The following DMD variants were observed in gnomAD, a reference collection of about 807,000 sequenced individuals.
The protein encoded by DMD is dystrophin.
DMD carries 63 observed loss-of-function variants against 330.1 expected under a neutral mutation model. The ratio of observed to expected loss-of-function variants is 0.19; its 90% CI spans 0.16 to 0.24. The LOEUF is 0.24. Among genes scored for constraint, DMD ranks in the 10% least tolerant of loss-of-function variants. The pLI is 1.00. For synonymous variants in DMD, 1,223 were observed against 959.8 expected (o/e 1.27, Z -5.07); for missense variants, 3,344 against 2,684.1 (o/e 1.25, Z -5.43).
chrX:32,677,015 T>A (rs1327655092), intron 9 of DMD, among the ~76,000 whole-genome samples: 1 of 111,528 alleles, frequency 9.0e-6, no homozygotes, highest in Non-Finnish European at 1.9e-5. Context: ...TGTAAAAGAG[T>A]TTTACATTTT....
intron 44 of DMD, among the ~76,000 whole-genome samples, chrX:32,108,399 G>T (rs1200039503): frequency 8.9e-6 from 1 of 112,037 alleles, no homozygotes; most frequent in Non-Finnish European, 1.9e-5. Context: ...AAATTCTCAT[G>T]GATAGAATGC....
chrX:32,356,215 G>A (rs1320135168), intron 37 of DMD, among the ~76,000 whole-genome samples: 1 of 108,894 alleles, frequency 9.2e-6, no homozygotes, highest in Non-Finnish European at 1.9e-5. Context: ...TCCACACATA[G>A]AACCATATTT....
At chrX:32,822,367 G>C (rs1454460126) in intron 5 of DMD, among the ~76,000 whole-genome samples, 1 of 106,915 alleles carries the variant, frequency 9.4e-6, no homozygotes, top group Non-Finnish European at 1.9e-5. Flanking sequence ...AGTTCATGTT[G>C]GTATATATAT....
chrX:32,495,896 T>C lies in DMD; in HGVS notation c.2381-4378A>G, dbSNP rs140844437. ...ACAAATACTAACACACCAGGCATTATGAGCAATACTTATGGAAACCATTTT... is the reference window on the plus strand; with the variant it reads ...ACAAATACTAACACACCAGGCATTACGAGCAATACTTATGGAAACCATTTT... On this transcript the variant is annotated intron_variant, in intron 19 of 78. Coordinates refer to ENST00000357033, the MANE Select transcript of DMD (RefSeq NM_004006.3). Among the ~76,000 whole-genome samples, 262 of 111,846 alleles carry C rather than the reference T, an allele frequency of 2.3e-3. 3 individuals are homozygous for C. The South Asian group carries it at 0.06, about 26-fold the overall frequency.
chrX:32,365,896 T>C (rs1296752517), intron 34 of DMD, among the ~76,000 whole-genome samples: 1 of 111,960 alleles, frequency 8.9e-6, no homozygotes, highest in African/African-American at 3.2e-5. Flanking sequence ...TAAAAGTATC[T>C]GTCATTTCTA....
At chrX:32,978,989 C>G (rs2092630494) in intron 2 of DMD, among the ~76,000 whole-genome samples, 1 of 111,977 alleles carries the variant, frequency 8.9e-6, no homozygotes, top group Non-Finnish European at 1.9e-5. Context: ...AAAATTATTT[C>G]TCCTAGACAG....
Position 32,860,163 on chromosome X carries a change from T to C in DMD, c.94-10343A>G, listed in dbSNP as rs1482518130. On this transcript the variant is annotated intron_variant, in intron 2 of 78. Transcript: ENST00000357033. Reference sequence around the variant, plus strand: ...AAACACAGATAGGTAGGTTGACAAGTGGCATAAATAAAGTGAACCAAATCA... The same window carrying C: ...AAACACAGATAGGTAGGTTGACAAGCGGCATAAATAAAGTGAACCAAATCA... Among the ~76,000 whole-genome samples, 18 of 111,926 alleles carry C rather than the reference T, an allele frequency of 1.6e-4. No homozygotes were observed. In the Admixed American group the frequency reaches 1.7e-3, roughly 11 times the overall value.
intron 1 of DMD, among the ~76,000 whole-genome samples, chrX:33,194,549 C>G (rs1285547379): frequency 9.0e-6 from 1 of 111,551 alleles, no homozygotes; most frequent in Non-Finnish European, 1.9e-5. Context: ...CGCATCTTTT[C>G]TTTGGTTGAA....
At chrX:31,524,622 A>C (rs2073105970) in intron 55 of DMD, among the ~76,000 whole-genome samples, 1 of 111,768 alleles carries the variant, frequency 8.9e-6, no homozygotes, top group Non-Finnish European at 1.9e-5. Context: ...AAAGAAGATA[A>C]AACAAGCTCT....
chrX:32,172,018 T>C (rs1431637645), intron 44 of DMD, among the ~76,000 whole-genome samples: 1 of 111,829 alleles, frequency 8.9e-6, no homozygotes, highest in Admixed American at 9.5e-5. Flanking sequence ...TCATAGCTCA[T>C]ATAAAGAAAT....
intron 9 of DMD, among the ~76,000 whole-genome samples, chrX:32,672,392 C>A (rs1301937717): frequency 9.0e-6 from 1 of 111,225 alleles, no homozygotes; most frequent in Non-Finnish European, 1.9e-5. Flanking sequence ...ACTTGCAATT[C>A]ATGATATATT....
intron 2 of DMD, among the ~76,000 whole-genome samples, chrX:32,973,141 A>G (rs766724677): frequency 5.3e-5 from 6 of 112,258 alleles, no homozygotes; most frequent in Admixed American, 1.9e-4. Context: ...AATGTCAACT[A>G]TATGTGGCTT....
Position 31,383,794 on chromosome X carries a change from A to G in DMD, c.9085-35160T>C, listed in dbSNP as rs115916049. 6.8e-3 allele frequency among the ~76,000 whole-genome samples: 763 copies of G among 111,771 alleles called. 6 individuals carry two copies. The highest frequency in any genetic ancestry group is 0.03 in the East Asian group (107 of 3,511). On this transcript the variant is annotated intron_variant, in intron 60 of 78. Coordinates refer to ENST00000357033, the MANE Select transcript of DMD (RefSeq NM_004006.3). ...CAGCATAGCTTCAGAGAGGAGTCTG[A>G]TTGCGGACAGCTGGACTCGAGGTGA...
At position 32,360,753 on chromosome X, in the gene DMD, C is replaced by T. The variant is rs2097829375; in HGVS notation, c.5325+2035G>A. On this transcript the variant is annotated intron_variant, in intron 37 of 78. Coordinates refer to ENST00000357033, the MANE Select transcript of DMD (RefSeq NM_004006.3). Reference sequence around the variant, plus strand: ...AGTGAGCTGAGGTTATGCCACAGCACTCCAGCCTGGGCAACAGAGAGAGTC... The same window carrying T: ...AGTGAGCTGAGGTTATGCCACAGCATTCCAGCCTGGGCAACAGAGAGAGTC... 2.8e-5 allele frequency among the ~76,000 whole-genome samples: 3 copies of T among 108,000 alleles called. No homozygotes were observed. The South Asian group carries it at 1.2e-3, about 45-fold the overall frequency. 93.8% of individuals were successfully genotyped at this position (108,000 alleles called of 115,157 possible).
Position 32,855,471 on chromosome X carries a change from T to C in DMD, c.94-5651A>G, listed in dbSNP as rs187440081. Among the ~76,000 whole-genome samples the C allele has an allele frequency of 1.5e-3, 167 of 111,726 alleles. 1 individual carries two copies. The highest frequency in any genetic ancestry group is 4.9e-3 in the African/African-American group (151 of 30,780). ...TGCTAATGGCATAAAAACAGACACA[T>C]AGACCAATGGAACAGAATAGAGCCC... On this transcript the variant is annotated intron_variant, in intron 2 of 78. Coordinates refer to ENST00000357033, the MANE Select transcript of DMD (RefSeq NM_004006.3).
intron 44 of DMD, among the ~76,000 whole-genome samples, chrX:32,030,642 G>C (rs918308185): frequency 3.6e-5 from 4 of 111,664 alleles, no homozygotes; most frequent in African/African-American, 1.3e-4. Context: ...CTAGCTCTAT[G>C]ACCTTGGTAA....
chrX:31,982,969 T>TTTTTTTTTTTTTTTTTTTTTTTGAGACGG (rs2095485961), intron 44 of DMD, among the ~76,000 whole-genome samples: 1 of 105,477 alleles, frequency 9.5e-6, no homozygotes, highest in Non-Finnish European at 2.0e-5. Flanking sequence ...GAGCTTTTGT[T>TTTTTTTTTTTTTTTTTTTTTTTGAGACGG]AATGGTATTT....
At chrX:32,009,260 A>G (rs992346334) in intron 44 of DMD, among the ~76,000 whole-genome samples, 8 of 111,454 alleles carry the variant, frequency 7.2e-5, no homozygotes, top group Admixed American at 2.9e-4. Context: ...TTTAGCTGCT[A>G]TTGCTGGGGG....
intron 1 of DMD, among the ~76,000 whole-genome samples, chrX:33,238,858 G>A (rs1479757009): frequency 9.0e-6 from 1 of 111,151 alleles, no homozygotes; most frequent in Non-Finnish European, 1.9e-5. Context: ...TGCTATCTAG[G>A]TTTAAGTGAG....
Sources: allele counts gnomAD v4.1 joint callset (sites outside exome capture counted in the v4.1 genomes callset), GRCh38; gene constraint gnomAD v4.1.1; transcripts MANE v1.5; gene names NCBI Gene and HGNC (gene_info 2026-07-23, HGNC 2026-07-21).